The following NDUFV3 variants were observed in gnomAD, a reference collection of about 807,000 sequenced individuals.
The protein encoded by NDUFV3 is NADH dehydrogenase [ubiquinone] flavoprotein 3, mitochondrial.
In NDUFV3, 44 loss-of-function variants were observed where a neutral mutation model predicts 37.5. The observed-to-expected ratio is 1.17, with a 90% CI of 0.92 to 1.51. The LOEUF (loss-of-function observed/expected upper bound fraction) is 1.51, where lower values mean the gene tolerates loss of function less well. Among genes scored for constraint, NDUFV3 ranks in the 40% most tolerant of loss-of-function variants. The pLI is 0.00. For missense variants in NDUFV3, 580 were observed against 580.4 expected (o/e 1.00, Z 0.01); for synonymous variants, 235 against 239.3 (o/e 0.98, Z 0.17).
In NDUFV3 at chr21:42,910,387, AT is replaced by A. The variant is rs1418827375; in HGVS notation, c.*1370del. ...CATTGCAAACAAATTGTATTGCAGT[AT>A]TTTACCATCAGAAAAGGAAGGGAAT... On this transcript the variant is annotated 3_prime_UTR_variant, in exon 4 of 4. Coordinates refer to ENST00000354250, the MANE Select transcript of NDUFV3 (RefSeq NM_021075.4). 2 of 152,380 alleles carry A rather than the reference AT, an allele frequency of 1.3e-5. No individual in the cohort carries two copies. Among genetic ancestry groups the A allele is most frequent in the African/African-American group, 4.8e-5 (2 of 41,458 alleles). 9.4% of individuals were successfully genotyped at this position (152,380 alleles called of 1,614,324 possible).
Position 42,904,024 on chromosome 21 carries a change from G to A in NDUFV3, c.1012G>A (p.Val338Met), listed in dbSNP as rs559223232. The A allele has an allele frequency of 5.0e-6, 8 of 1,614,112 alleles. No homozygotes were observed. The highest frequency in any genetic ancestry group is 1.6e-4 in the Middle Eastern group (1 of 6,062). Residue 338 changes from valine (V) to methionine (M), a missense_variant, in exon 3 of 4, where the codon GTG (valine) becomes ATG (methionine). By Grantham distance (21) the Val-to-Met change is conservative (BLOSUM62 1). Coordinates refer to ENST00000354250, the MANE Select transcript of NDUFV3 (RefSeq NM_021075.4). ...GAAEGHLEKP[V>M]PEPQRKAAPP... Reference sequence around the variant, plus strand: ...GGCAGAGGGGCATCTGGAAAAACCCGTGCCAGAGCCCCAGCGCAAGGCGGC... The same window carrying A: ...GGCAGAGGGGCATCTGGAAAAACCCATGCCAGAGCCCCAGCGCAAGGCGGC...
intron 2 of NDUFV3, among the ~76,000 whole-genome samples, chr21:42,898,046 A>G (rs962632341): frequency 6.6e-6 from 1 of 152,110 alleles, no homozygotes; most frequent in Non-Finnish European, 1.5e-5. Flanking sequence ...TCAATATACT[A>G]TTTCCTCAGT....
At chr21:42,895,092 T>C (rs1282662227) in intron 1 of NDUFV3, among the ~76,000 whole-genome samples, 1 of 152,150 alleles carries the variant, frequency 6.6e-6, no homozygotes, top group Non-Finnish European at 1.5e-5. Flanking sequence ...GGCAGGTGGC[T>C]CATGCCTGTA....
In NDUFV3 at chr21:42,903,577, G is replaced by A. The variant is rs751105172; in HGVS notation, c.565G>A (p.Glu189Lys). 32 of 1,613,818 alleles carry A rather than the reference G, an allele frequency of 2.0e-5. No homozygotes were observed. In the South Asian group the frequency reaches 2.9e-4, roughly 14 times the overall value. The change falls in exon 3 of 4, where the codon GAG becomes AAG. Residue 189 changes from glutamate to lysine, a missense_variant. Physicochemically the swap from Glu to Lys is moderately conservative, Grantham distance 56 (BLOSUM62 1). Coordinates refer to ENST00000354250, the MANE Select transcript of NDUFV3 (RefSeq NM_021075.4). Reference sequence around the variant, plus strand: ...AGGCAGAGGGGGGCTTCGAAAACCAGAGGCCTCTCATTCCTTTGAAAACAG... The same window carrying A: ...AGGCAGAGGGGGGCTTCGAAAACCAAAGGCCTCTCATTCCTTTGAAAACAG... ...SKGRGGLRKP[E>K]ASHSFENRAP...
intron 1 of NDUFV3, among the ~76,000 whole-genome samples, chr21:42,893,827 G>A (rs1198606163): frequency 6.6e-6 from 1 of 152,224 alleles, no homozygotes; most frequent in Non-Finnish European, 1.5e-5. Flanking sequence ...TGGTTAACTT[G>A]GTAACTTACT....
rs879695022 is a variant in NDUFV3, at chr21:42,893,385, AAGG to A, written c.48+10_48+12del. On this transcript the variant is annotated splice_donor_5th_base_variant and intron_variant, in intron 1 of 3. Coordinates refer to ENST00000354250, the MANE Select transcript of NDUFV3 (RefSeq NM_021075.4). ...AGGACGAGCCGGGGCGCTGAAGGTA[AAGG>A]AGGAGCCAGCCTGGGCTGGCTGCGC... 1 of 1,536,968 alleles carries A rather than the reference AAGG, an allele frequency of 6.5e-7. No homozygotes were observed. Among genetic ancestry groups the A allele is most frequent in the Non-Finnish European group, 8.7e-7 (1 of 1,146,294 alleles).
At chr21:42,893,594 T>TCCG (rs1248478517) in intron 1 of NDUFV3, among the ~76,000 whole-genome samples, 1 of 152,120 alleles carries the variant, frequency 6.6e-6, no homozygotes, top group Non-Finnish European at 1.5e-5. Context: ...CCCGAGCCGG[T>TCCG]CCGCCGCCGC....
In NDUFV3 at chr21:42,904,369, A is replaced by C. The variant is rs2058732646; in HGVS notation, c.1264+93A>C. The C allele has an allele frequency of 2.1e-5, 32 of 1,514,008 alleles. No homozygotes were observed. The South Asian group carries it at 2.7e-4, about 13-fold the overall frequency. The allele number at this position is 1,514,008 out of a possible 1,614,324, so 93.8% of individuals were successfully genotyped here. A position where few individuals can be genotyped will look rare whatever the true frequency, so the allele number is the denominator to read the frequency against. Reference sequence around the variant, plus strand: ...ACATATGCTTGTAGAGCAGTGTTACAATTAGTCAAATTCTGTACTAGAAAT... The same window carrying C: ...ACATATGCTTGTAGAGCAGTGTTACCATTAGTCAAATTCTGTACTAGAAAT... On this transcript the variant is annotated intron_variant, in intron 3 of 3. Coordinates refer to ENST00000354250, the MANE Select transcript of NDUFV3 (RefSeq NM_021075.4).
Position 42,893,371 on chromosome 21 carries a change from G to C in NDUFV3, c.38G>C (p.Gly13Ala). 1 of 1,537,838 alleles carries C rather than the reference G, an allele frequency of 6.5e-7. No homozygotes were observed. Among genetic ancestry groups the C allele is most frequent in the Non-Finnish European group, 8.7e-7 (1 of 1,146,420 alleles). Residue 13 changes from glycine (G) to alanine (A), a missense_variant, in exon 1 of 4, where the codon GGG (glycine) becomes GCG (alanine). Coordinates refer to ENST00000354250, the MANE Select transcript of NDUFV3 (RefSeq NM_021075.4). ...TGTTTGCTGCGGCAAGGACGAGCCG[G>C]GGCGCTGAAGGTAAAGGAGGAGCCA... ...APCLLRQGRA[G>A]ALKTMLQEAQ...
Position 42,909,142 on chromosome 21 carries a change from T to G in NDUFV3, c.*121T>G. 2 of 932,972 alleles carry G rather than the reference T, an allele frequency of 2.1e-6. No homozygotes were observed. The highest frequency in any genetic ancestry group is 1.7e-5 in the African/African-American group (1 of 58,374). The allele number at this position is 932,972 out of a possible 1,614,324, so 57.8% of individuals were successfully genotyped here. A position where few individuals can be genotyped will look rare whatever the true frequency, so the allele number is the denominator to read the frequency against. On this transcript the variant is annotated 3_prime_UTR_variant, in exon 4 of 4. Transcript: ENST00000354250. The stretch of plus-strand genomic sequence containing the variant: ...TAATCGGTTTCACTTTTACCTTTTT[T>G]TTTTTTTTTTTTTTTTTGAGACAGG...
In NDUFV3 at chr21:42,908,909, A is replaced by G. The variant is rs906826949; in HGVS notation, c.1310A>G (p.Lys437Arg). The change falls in exon 4 of 4, where the codon AAG becomes AGG. Residue 437 changes from lysine (K) to arginine (R), a missense_variant. Transcript: ENST00000354250. ...GAGCCGTTTGACAACACTACCTACA[A>G]GAACCTGCAGCATCATGACTACAGC... ...PAEPFDNTTY[K>R]NLQHHDYSTY... The G allele has an allele frequency of 6.2e-7, 1 of 1,614,132 alleles. No homozygotes were observed. The highest frequency in any genetic ancestry group is 8.5e-7 in the Non-Finnish European group (1 of 1,180,012).
At chr21:42,896,138 C>T (rs887374988) in intron 1 of NDUFV3, among the ~76,000 whole-genome samples, 33 of 149,660 alleles carry the variant, frequency 2.2e-4, no homozygotes, top group African/African-American at 6.2e-4. Flanking sequence ...CATGCACCAC[C>T]GTGCCTGGCT....
intron 2 of NDUFV3, among the ~76,000 whole-genome samples, chr21:42,900,004 C>G (rs2058712277): frequency 6.6e-6 from 1 of 152,110 alleles, no homozygotes; most frequent in South Asian, 2.1e-4. Context: ...TTGAGACAAG[C>G]CTGAGCAACA....
intron 1 of NDUFV3, among the ~76,000 whole-genome samples, chr21:42,895,068 G>C (rs527611660): frequency 1.3e-5 from 2 of 152,234 alleles, no homozygotes; most frequent in South Asian, 4.1e-4. Flanking sequence ...TTTACAGAAA[G>C]AAACATAGGG....
chr21:42,893,407 G>T, intron 1 of NDUFV3, 26 bp downstream of exon 1: 2 of 1,535,198 alleles, frequency 1.3e-6, no homozygotes, highest in Non-Finnish European at 1.7e-6. Flanking sequence ...GCCTGGGCTG[G>T]CTGCGCGGCC....
chr21:42,907,546 G>C (rs553074805), intron 3 of NDUFV3, among the ~76,000 whole-genome samples: 2 of 151,182 alleles, frequency 1.3e-5, no homozygotes, highest in South Asian at 4.2e-4. Context: ...TGCCTCCTGG[G>C]TTCAAGCAAT....
chr21:42,904,048 G>T lies in NDUFV3; in HGVS notation c.1036G>T (p.Ala346Ser), dbSNP rs769347393. 1 of 1,614,166 alleles carries T rather than the reference G, an allele frequency of 6.2e-7. No individual in the cohort carries two copies. Among genetic ancestry groups the T allele is most frequent in the South Asian group, 1.1e-5 (1 of 91,090 alleles). The change falls in exon 3 of 4, where the codon GCC becomes TCC. Residue 346 changes from alanine to serine, a missense_variant. Transcript: ENST00000354250. ...KPVPEPQRKA[A>S]PPLPRKETSG... ...CGTGCCAGAGCCCCAGCGCAAGGCG[G>T]CCCCTCCCCTGCCCAGAAAGGAAAC... is the stretch of plus-strand genomic sequence containing the variant.
Position 42,909,042 on chromosome 21 carries a change from A to T in NDUFV3, c.*21A>T. 1 of 1,611,502 alleles carries T rather than the reference A, an allele frequency of 6.2e-7. No individual in the cohort carries two copies. Among genetic ancestry groups the T allele is most frequent in the Non-Finnish European group, 8.5e-7 (1 of 1,178,894 alleles). ...ACTGAGGGCCCTCGGTGTGAAGATGAACCTTCCACCGTCTTCACTGCATCC... is the reference window on the plus strand; with the variant it reads ...ACTGAGGGCCCTCGGTGTGAAGATGTACCTTCCACCGTCTTCACTGCATCC... On this transcript the variant is annotated 3_prime_UTR_variant, in exon 4 of 4. Transcript: ENST00000354250.
At chr21:42,901,877 G>A (rs897646951) in intron 2 of NDUFV3, among the ~76,000 whole-genome samples, 22 of 152,202 alleles carry the variant, frequency 1.4e-4, no homozygotes, top group Admixed American at 3.3e-4. Context: ...TCACTGTGCT[G>A]TCTTCCTTCT....
Sources: gnomAD v4.1 joint callset for allele counts (sites outside exome capture counted in the v4.1 genomes callset) on GRCh38, gnomAD v4.1.1 for gene constraint, MANE v1.5 for transcripts, NCBI Gene and HGNC (gene_info 2026-07-23, HGNC 2026-07-21) for gene names.